Variants in TMEM178B observed in about 807,000 individuals in gnomAD.
TMEM178B encodes the protein transmembrane protein 178B.
TMEM178B carries 5 observed loss-of-function variants against 31.0 expected under a neutral mutation model. That is an observed-to-expected ratio of 0.16 (90% CI 0.08 to 0.34). The LOEUF (loss-of-function observed/expected upper bound fraction) is 0.34, where lower values mean the gene tolerates loss of function less well. Ranked by LOEUF, TMEM178B falls within the 10% of genes least tolerant of loss-of-function variation. The pLI, the probability that TMEM178B is intolerant of heterozygous loss-of-function variation, is 1.00. For missense variants in TMEM178B, 275 were observed against 400.3 expected, an observed-to-expected ratio of 0.69 and a Z score of 2.67; for synonymous variants, 164 against 164.0, an observed-to-expected ratio of 1.00 and a Z score of 0.00.
At chr7:141,323,256 C>T (rs1032609902) in intron 2 of TMEM178B, among the ~76,000 whole-genome samples, 3 of 152,184 alleles carry the variant, frequency 2.0e-5, no homozygotes, top group Admixed American at 2.0e-4. Context: ...TCCTTAAATT[C>T]TTCTACCAAG....
chr7:141,295,766 A>G (rs1036305947), intron 2 of TMEM178B, among the ~76,000 whole-genome samples: 10 of 152,196 alleles, frequency 6.6e-5, no homozygotes, highest in African/African-American at 2.4e-4. Flanking sequence ...AAATTAGAGC[A>G]GGTATTTTGG....
At chr7:141,083,759 G>A (rs555408944) in intron 1 of TMEM178B, among the ~76,000 whole-genome samples, 1 of 152,198 alleles carries the variant, frequency 6.6e-6, no homozygotes, top group East Asian at 1.9e-4. Context: ...CTTTAAAAGT[G>A]GTTAAAATGG....
Position 141,420,343 on chromosome 7 carries a change from T to A in TMEM178B, c.497-17265T>A, listed in dbSNP as rs935022391. On this transcript the variant is annotated intron_variant, in intron 2 of 3. Transcript: ENST00000565468. ...GCTTGAGAAACATGCATTGAATGAA[T>A]AAATAAATGAATGTAGGATGAACCC... Among the ~76,000 whole-genome samples the A allele has an allele frequency of 3.1e-4, 47 of 152,186 alleles. 1 individual carries two copies. Among genetic ancestry groups the A allele is most frequent in the African/African-American group, 9.7e-4 (40 of 41,426 alleles).
chr7:141,140,324 AG>A (rs1481864596), intron 1 of TMEM178B, among the ~76,000 whole-genome samples: 1 of 152,184 alleles, frequency 6.6e-6, no homozygotes, highest in East Asian at 1.9e-4. Flanking sequence ...TTAACTCCTC[AG>A]TGGGGCTTTC....
intron 2 of TMEM178B, among the ~76,000 whole-genome samples, chr7:141,317,981 A>T (rs988760764): frequency 6.6e-6 from 1 of 152,200 alleles, no homozygotes; most frequent in African/African-American, 2.4e-5. Context: ...GTTTATTTTA[A>T]TTTATTTTAT....
intron 2 of TMEM178B, among the ~76,000 whole-genome samples, chr7:141,408,493 A>G (rs549745433): frequency 1.3e-5 from 2 of 152,300 alleles, no homozygotes; most frequent in Admixed American, 1.3e-4. Flanking sequence ...CCAGTTTCCC[A>G]GAGTGGCAGG....
the TMEM178B span, among the ~76,000 whole-genome samples, chr7:141,487,875 A>G: frequency 2.0e-5 from 3 of 151,924 alleles, no homozygotes; most frequent in Non-Finnish European, 4.4e-5. Context: ...ATTAAGACAA[A>G]CTTTTCTTGT....
In TMEM178B at chr7:141,209,651, A is replaced by G. The variant is rs140253940; in HGVS notation, c.383-2940A>G. Among the ~76,000 whole-genome samples the G allele has an allele frequency of 8.5e-5, 13 of 152,290 alleles. No individual in the cohort carries two copies. In the East Asian group the frequency reaches 1.9e-3, roughly 23 times the overall value. Reference sequence around the variant, plus strand: ...TGGGGAGTGAGGCATGTAAACAGATAAATCACAGTGCAGGAGTGTGTTTGC... The same window carrying G: ...TGGGGAGTGAGGCATGTAAACAGATGAATCACAGTGCAGGAGTGTGTTTGC... On this transcript the variant is annotated intron_variant, in intron 1 of 3. Coordinates refer to ENST00000565468, the MANE Select transcript of TMEM178B (RefSeq NM_001195278.2).
Position 141,318,616 on chromosome 7 carries a change from T to C in TMEM178B, c.496+105912T>C, listed in dbSNP as rs1197678040. Among the ~76,000 whole-genome samples the C allele has an allele frequency of 6.6e-6, 1 of 152,216 alleles. No homozygotes were observed. The highest frequency in any genetic ancestry group is 1.5e-5 in the Non-Finnish European group (1 of 68,038). ...ACCCGTGCTGTGTTGCCCAGTTGTTTGATAGCTAAACCTATGCCACCCCTT... is the reference window on the plus strand; with the variant it reads ...ACCCGTGCTGTGTTGCCCAGTTGTTCGATAGCTAAACCTATGCCACCCCTT... On this transcript the variant is annotated intron_variant, in intron 2 of 3. Transcript: ENST00000565468. This position sits in a 1 kb window ranked among gnomAD's most constrained non-coding sequence, Gnocchi z 4.1.
At chr7:141,085,646 C>T (rs1371448167) in intron 1 of TMEM178B, among the ~76,000 whole-genome samples, 1 of 151,378 alleles carries the variant, frequency 6.6e-6, no homozygotes, top group Non-Finnish European at 1.5e-5. Flanking sequence ...TCAGTTTTGC[C>T]CTCAATTTCT....
chr7:141,079,433 C>T (rs992304868), intron 1 of TMEM178B, among the ~76,000 whole-genome samples: 6 of 152,136 alleles, frequency 3.9e-5, no homozygotes, highest in East Asian at 3.8e-4. Context: ...TGTTGGACAG[C>T]GCCACGCAGA....
chr7:141,481,296 G>C (rs181701083), downstream of TMEM178B, among the ~76,000 whole-genome samples: 1 of 152,264 alleles, frequency 6.6e-6, no homozygotes, highest in East Asian at 1.9e-4. Context: ...CTTCTCTCTT[G>C]AGGGATGAGC....
intron 2 of TMEM178B, among the ~76,000 whole-genome samples, chr7:141,404,542 G>A (rs932269907): frequency 6.6e-6 from 1 of 152,094 alleles, no homozygotes; most frequent in African/African-American, 2.4e-5. Flanking sequence ...TCTTCCCTGA[G>A]TCTCTGGGTC....
chr7:141,245,532 G>A (rs1242522000), intron 2 of TMEM178B, among the ~76,000 whole-genome samples: 1 of 152,200 alleles, frequency 6.6e-6, no homozygotes, highest in East Asian at 1.9e-4. Context: ...AGTCTGTTGA[G>A]TTTACAGCAA....
At chr7:141,180,404 GAGCTGAGATCGCACCA>G (rs898105819) in intron 1 of TMEM178B, among the ~76,000 whole-genome samples, 2 of 142,516 alleles carry the variant, frequency 1.4e-5, no homozygotes, top group Non-Finnish European at 3.0e-5. Context: ...AGTTTGCAGT[GAGCTGAGATCGCACCA>G]CTGCGATCTC....
intron 1 of TMEM178B, among the ~76,000 whole-genome samples, chr7:141,189,463 C>T (rs1375494454): frequency 6.6e-6 from 1 of 152,174 alleles, no homozygotes; most frequent in Non-Finnish European, 1.5e-5. Flanking sequence ...GGGTCAATTC[C>T]TAGGTCTGGC....
At chr7:141,325,637 C>A (rs144718773) in intron 2 of TMEM178B, among the ~76,000 whole-genome samples, 34 of 152,194 alleles carry the variant, frequency 2.2e-4, no homozygotes, top group Admixed American at 2.2e-3. Flanking sequence ...GCCTGGACTT[C>A]TTGGGAAGGC....
At chr7:141,273,002 A>C (rs1322505435) in intron 2 of TMEM178B, among the ~76,000 whole-genome samples, 1 of 152,222 alleles carries the variant, frequency 6.6e-6, no homozygotes, top group Non-Finnish European at 1.5e-5. Context: ...AGAAAATGTA[A>C]CATATGCGCA....
At chr7:141,491,124 C>T in the TMEM178B span, among the ~76,000 whole-genome samples, 3 of 152,094 alleles carry the variant, frequency 2.0e-5, no homozygotes, top group Admixed American at 6.6e-5. Context: ...ACCTCCCCAA[C>T]TCAAGAAATC....
Sources: allele counts gnomAD v4.1 joint callset (sites outside exome capture counted in the v4.1 genomes callset), GRCh38; gene constraint gnomAD v4.1.1; non-coding constraint Gnocchi (gnomAD v3.1); transcripts MANE v1.5; gene names NCBI Gene and HGNC (gene_info 2026-07-23, HGNC 2026-07-21).